RBM46: variants seen among roughly 807,000 people sequenced by gnomAD.
RBM46 encodes probable RNA-binding protein 46.
Under a neutral mutation model 43.3 loss-of-function variants are expected in RBM46, and 12 were observed. That is an observed-to-expected ratio of 0.28 (90% CI 0.18 to 0.45). RBM46 has a LOEUF of 0.45. Among genes scored for constraint, RBM46 ranks in the 20% least tolerant of loss-of-function variants. The pLI is 1.00. For missense variants in RBM46, 412 were observed against 639.1 expected (o/e 0.64, Z 3.83); for synonymous variants, 205 against 207.6 (o/e 0.99, Z 0.11).
At chr4:154,808,473 C>A (rs1215348105) in intron 4 of RBM46, among the ~76,000 whole-genome samples, 4 of 151,902 alleles carry the variant, frequency 2.6e-5, no homozygotes, top group African/African-American at 9.7e-5. Flanking sequence ...TTTGTTTCAA[C>A]AATACATAGT....
chr4:154,816,449 C>T (rs919656683), intron 4 of RBM46, among the ~76,000 whole-genome samples: 2 of 152,100 alleles, frequency 1.3e-5, no homozygotes, highest in Non-Finnish European at 2.9e-5. Context: ...TCTTCTACAT[C>T]TTTCTCCAGA....
chr4:154,821,879 C>G (rs892739405), intron 4 of RBM46, among the ~76,000 whole-genome samples: 2 of 151,726 alleles, frequency 1.3e-5, no homozygotes, highest in Admixed American at 1.3e-4. Context: ...TTGGGAAAAT[C>G]ATAGTGCATA....
intron 4 of RBM46, among the ~76,000 whole-genome samples, chr4:154,819,310 G>A (rs190179690): frequency 1.3e-5 from 2 of 152,162 alleles, no homozygotes; most frequent in African/African-American, 2.4e-5. Context: ...CTCAGTTCCA[G>A]TCATTCCTTG....
intron 4 of RBM46, among the ~76,000 whole-genome samples, chr4:154,819,465 G>A (rs1037206033): frequency 6.6e-6 from 1 of 152,154 alleles, no homozygotes; most frequent in Admixed American, 6.5e-5. Flanking sequence ...CATACGTTTG[G>A]GTTTTCTTCT....
intron 4 of RBM46, among the ~76,000 whole-genome samples, chr4:154,803,824 A>G (rs1462799439): frequency 6.6e-6 from 1 of 151,682 alleles, no homozygotes; most frequent in Non-Finnish European, 1.5e-5. Flanking sequence ...TAGTTTGGAC[A>G]TTTGTCCCTG....
At chr4:154,808,592 G>C (rs1376781067) in intron 4 of RBM46, among the ~76,000 whole-genome samples, 1 of 151,774 alleles carries the variant, frequency 6.6e-6, no homozygotes, top group Admixed American at 6.6e-5. Flanking sequence ...CTGCTGCCCA[G>C]TTAATTTTTG....
At chr4:154,825,235 CT>C (rs1260747700) in intron 4 of RBM46, among the ~76,000 whole-genome samples, 2 of 152,010 alleles carry the variant, frequency 1.3e-5, no homozygotes, top group African/African-American at 4.8e-5. Context: ...GGAATGTTAA[CT>C]AATTTATTAA....
intron 4 of RBM46, among the ~76,000 whole-genome samples, chr4:154,812,161 T>C (rs1192814190): frequency 6.6e-6 from 1 of 152,134 alleles, no homozygotes; most frequent in Non-Finnish European, 1.5e-5. Context: ...TTGTCTAATA[T>C]TAAACATTTG....
At chr4:154,794,603 A>G (rs970341229) in intron 1 of RBM46, among the ~76,000 whole-genome samples, 1 of 152,140 alleles carries the variant, frequency 6.6e-6, no homozygotes, top group Non-Finnish European at 1.5e-5. Context: ...ATAAAAGCTA[A>G]AGTTTATAAG....
intron 4 of RBM46, among the ~76,000 whole-genome samples, chr4:154,823,318 A>C (rs939754062): frequency 6.6e-6 from 1 of 151,938 alleles, no homozygotes; most frequent in African/African-American, 2.4e-5. Flanking sequence ...AAAATGTTCT[A>C]GAATTTTATA....
intron 4 of RBM46, among the ~76,000 whole-genome samples, chr4:154,815,794 T>C (rs28804544): frequency 0.02 from 3,059 of 152,158 alleles, 120 homozygotes; most frequent in African/African-American, 0.07. Flanking sequence ...ATGATTCAAT[T>C]GATCAATCTT....
Position 154,813,070 on chromosome 4 carries a change from T to G in RBM46, c.1402+13506T>G, listed in dbSNP as rs1466817585. Among the ~76,000 whole-genome samples the G allele has an allele frequency of 2.0e-5, 3 of 151,970 alleles. No individual in the cohort carries two copies. The East Asian group carries it at 5.8e-4, about 29-fold the overall frequency. On this transcript the variant is annotated intron_variant, in intron 4 of 4. Coordinates refer to ENST00000281722, the MANE Select transcript of RBM46 (RefSeq NM_144979.5). ...ATTATATGGGTGAGTACTGTCTCCT[T>G]TAGTACTCAGCATATGGTGCTTTCC...
At chr4:154,791,476 T>C (rs906388960) in intron 1 of RBM46, among the ~76,000 whole-genome samples, 4 of 152,114 alleles carry the variant, frequency 2.6e-5, no homozygotes, top group African/African-American at 9.7e-5. Context: ...GGTAACATAT[T>C]GAAACCCCAT....
chr4:154,810,042 G>A (rs1735102010), intron 4 of RBM46, among the ~76,000 whole-genome samples: 1 of 152,116 alleles, frequency 6.6e-6, no homozygotes, highest in Non-Finnish European at 1.5e-5. Context: ...AGGGACTTCT[G>A]AGGTACTGGT....
intron 2 of RBM46, 23 bp downstream of exon 2, chr4:154,796,926 T>C (rs771712982): frequency 2.9e-5 from 47 of 1,599,810 alleles, no homozygotes; most frequent in Non-Finnish European, 3.8e-5. Context: ...TTACAGTCTT[T>C]TAAATTTAAT....
chr4:154,795,654 A>G (rs1734316329), intron 1 of RBM46, among the ~76,000 whole-genome samples: 1 of 152,064 alleles, frequency 6.6e-6, no homozygotes, highest in Admixed American at 6.6e-5. Context: ...TAAGATTAAT[A>G]ATTTAGTCAT....
intron 2 of RBM46, 116 bp downstream of exon 2, chr4:154,797,019 A>AT (rs57686041): frequency 0.23 from 139,862 of 607,358 alleles, 11,974 homozygotes; most frequent in African/African-American, 0.57. Flanking sequence ...GCTTTAAGAC[A>AT]TTTTTTTTTT....
At chr4:154,791,737 A>C (rs1294886946) in intron 1 of RBM46, among the ~76,000 whole-genome samples, 1 of 152,226 alleles carries the variant, frequency 6.6e-6, no homozygotes, top group Non-Finnish European at 1.5e-5. Flanking sequence ...AATAAAAAAT[A>C]AGATGCATAT....
intron 1 of RBM46, among the ~76,000 whole-genome samples, chr4:154,795,893 C>G (rs1033125460): frequency 1.3e-5 from 2 of 152,100 alleles, no homozygotes; most frequent in Non-Finnish European, 2.9e-5. Context: ...TGCAGTGGCT[C>G]ACATCTATAA....
Sources: allele counts gnomAD v4.1 joint callset (sites outside exome capture counted in the v4.1 genomes callset), GRCh38; gene constraint gnomAD v4.1.1; transcripts MANE v1.5; gene names NCBI Gene and HGNC (gene_info 2026-07-23, HGNC 2026-07-21).